Variants in LIMK2 observed in about 807,000 individuals in gnomAD.
The protein encoded by LIMK2 is LIM domain kinase 2.
In LIMK2, 35 loss-of-function variants were observed where a neutral mutation model predicts 75.7. The ratio of observed to expected loss-of-function variants is 0.46; its 90% CI spans 0.35 to 0.61. LIMK2 has a LOEUF of 0.61. LIMK2 is among the 20% of genes least tolerant of loss of function. The pLI is 0.00. For synonymous variants in LIMK2, 301 were observed against 319.2 expected, an observed-to-expected ratio of 0.94 and a Z score of 0.61; for missense variants, 623 against 831.0, an observed-to-expected ratio of 0.75 and a Z score of 3.08.
chr22:31,271,838 C>T (rs2048960933), intron 12 of LIMK2, among the ~76,000 whole-genome samples: 1 of 152,148 alleles, frequency 6.6e-6, no homozygotes, highest in South Asian at 2.1e-4. Flanking sequence ...TCTGTCTTAT[C>T]CTGGTTCTAG....
rs765059313 is a variant in LIMK2, at chr22:31,276,791, C to T, written c.1772+1483C>T. The T allele has an allele frequency of 5.1e-6, 8 of 1,558,526 alleles. No homozygotes were observed. In the African/African-American group the frequency reaches 6.8e-5, roughly 13 times the overall value. On this transcript the variant is annotated intron_variant, in intron 15 of 15. Coordinates refer to ENST00000331728, the MANE Select transcript of LIMK2 (RefSeq NM_005569.4). ...AAGGACCACGCATCTACTTTCAGAG[C>T]CCCCCCCGGGGCCGCAGGAGAGGGC...
intron 2 of LIMK2, among the ~76,000 whole-genome samples, chr22:31,247,634 G>A (rs911107621): frequency 6.6e-6 from 1 of 152,158 alleles, no homozygotes; most frequent in African/African-American, 2.4e-5. Flanking sequence ...AGAGTCACAT[G>A]AGCCTACATT....
At chr22:31,239,376 T>C (rs1195820353) in intron 2 of LIMK2, among the ~76,000 whole-genome samples, 1 of 152,268 alleles carries the variant, frequency 6.6e-6, no homozygotes, top group Non-Finnish European at 1.5e-5. Flanking sequence ...CATTCTGGCC[T>C]CCTGTCTAAT....
rs1183445765 is a variant in LIMK2, at chr22:31,257,090, C to G, written c.117-1201C>G. ...TTTTTTTTTTAGAGACGGGGTCTTA[C>G]TATGTTGCCCAGGCTGGTCTTGAAC... On this transcript the variant is annotated intron_variant, in intron 2 of 15. Coordinates refer to ENST00000331728, the MANE Select transcript of LIMK2 (RefSeq NM_005569.4). Among the ~76,000 whole-genome samples the G allele has an allele frequency of 9.9e-5, 11 of 111,186 alleles. No individual in the cohort carries two copies. In the Admixed American group the frequency reaches 1.1e-3, roughly 11 times the overall value. The allele number at this position is 111,186 out of a possible 152,430, so 72.9% of individuals were successfully genotyped here.
chr22:31,240,814 A>T (rs2048618294), intron 2 of LIMK2, among the ~76,000 whole-genome samples: 1 of 152,200 alleles, frequency 6.6e-6, no homozygotes, highest in Non-Finnish European at 1.5e-5. Context: ...AATGGGTAAG[A>T]GTGGCACCAG....
chr22:31,235,357 A>G (rs1165961247), intron 2 of LIMK2, among the ~76,000 whole-genome samples: 2 of 152,162 alleles, frequency 1.3e-5, no homozygotes, highest in Non-Finnish European at 2.9e-5. Context: ...GGGTTGTTTT[A>G]GAAAATTGCC....
chr22:31,236,067 G>T (rs971140016), intron 2 of LIMK2, among the ~76,000 whole-genome samples: 1 of 152,136 alleles, frequency 6.6e-6, no homozygotes, highest in Non-Finnish European at 1.5e-5. Context: ...GGCCGAGGTG[G>T]GCAGATCACC....
chr22:31,258,580 G>A (rs1428489902), intron 3 of LIMK2, 154 bp downstream of exon 3: 15 of 729,646 alleles, frequency 2.1e-5, no homozygotes, highest in South Asian at 8.1e-5. Context: ...TATCAATTGA[G>A]CACCTACTAA....
At chr22:31,222,095 T>A (rs1273479552) in intron 1 of LIMK2, among the ~76,000 whole-genome samples, 1 of 151,974 alleles carries the variant, frequency 6.6e-6, no homozygotes, top group African/African-American at 2.4e-5. Context: ...TTTTTTGAGT[T>A]GGAGTTTCAC....
At chr22:31,252,679 A>G (rs1029888271) in intron 2 of LIMK2, among the ~76,000 whole-genome samples, 4 of 152,136 alleles carry the variant, frequency 2.6e-5, no homozygotes, top group African/African-American at 9.7e-5. Flanking sequence ...TAGGAGAAAA[A>G]GGGGTCTGTC....
chr22:31,246,045 C>T (rs1351267823), intron 2 of LIMK2, among the ~76,000 whole-genome samples: 1 of 151,946 alleles, frequency 6.6e-6, no homozygotes, highest in Non-Finnish European at 1.5e-5. Flanking sequence ...TGGTGGCATG[C>T]GCCTGTAGTC....
chr22:31,258,270 A>T (rs1423426073), intron 2 of LIMK2, 21 bp from the exon 3 acceptor site: 3 of 1,578,034 alleles, frequency 1.9e-6, no homozygotes, highest in Middle Eastern at 1.9e-4. Context: ...GGAGAATTTC[A>T]GTTCTTGTCT....
chr22:31,269,191 G>A (rs940054233), intron 11 of LIMK2, among the ~76,000 whole-genome samples: 9 of 151,622 alleles, frequency 5.9e-5, no homozygotes, highest in Middle Eastern at 6.8e-3. Context: ...CTACAGCTTC[G>A]ACCTCCTGGG....
chr22:31,253,681 T>G (rs909785283), intron 2 of LIMK2, among the ~76,000 whole-genome samples: 3 of 152,240 alleles, frequency 2.0e-5, no homozygotes, highest in African/African-American at 7.2e-5. Context: ...CACACATAGC[T>G]TCACATTCCA....
At chr22:31,275,605 ATTCCC>A in intron 15 of LIMK2, 4 of 324,608 alleles carry the variant, frequency 1.2e-5, no homozygotes, top group South Asian at 1.2e-4. Flanking sequence ...ATCTTTCGAT[ATTCCC>A]CTGTCCATAT....
chr22:31,246,560 C>A (rs954199567), intron 2 of LIMK2, among the ~76,000 whole-genome samples: 1 of 151,888 alleles, frequency 6.6e-6, no homozygotes, highest in Non-Finnish European at 1.5e-5. Context: ...AGTGCCTTGA[C>A]CTGTGCTCTA....
At position 31,251,345 on chromosome 22, in the gene LIMK2, A is replaced by T. The variant is rs566610422; in HGVS notation, c.117-6946A>T. Among the ~76,000 whole-genome samples, 6 of 152,336 alleles carry T rather than the reference A, an allele frequency of 3.9e-5. No individual in the cohort carries two copies. In the South Asian group the frequency reaches 1.2e-3, roughly 32 times the overall value. On this transcript the variant is annotated intron_variant, in intron 2 of 15. Transcript: ENST00000331728. ...AATCCATGTTTAAAGGGAAAAAATT[A>T]TGCATAACTCTGCCCAGCTTCACAG...
chr22:31,242,740 C>T (rs144980720), intron 2 of LIMK2, among the ~76,000 whole-genome samples: 1 of 152,264 alleles, frequency 6.6e-6, no homozygotes, highest in East Asian at 1.9e-4. Context: ...AAGATAGATG[C>T]CAAATATTGT....
intron 2 of LIMK2, chr22:31,248,606 C>T (rs1416265655): frequency 6.2e-7 from 1 of 1,610,336 alleles, no homozygotes; most frequent in African/African-American, 1.3e-5. Flanking sequence ...AGCCTGCCTG[C>T]AGCCAGAGGT....
Sources: gnomAD v4.1 joint callset for allele counts (sites outside exome capture counted in the v4.1 genomes callset) on GRCh38, gnomAD v4.1.1 for gene constraint, MANE v1.5 for transcripts, NCBI Gene and HGNC (gene_info 2026-07-23, HGNC 2026-07-21) for gene names.